Variants in CDK13 observed in about 807,000 individuals in gnomAD.
CDK13 encodes cyclin dependent kinase 13, also known as cyclin-dependent kinase 13.
A neutral mutation model predicts 137.6 loss-of-function variants in CDK13; 40 were observed. The ratio of observed to expected loss-of-function variants is 0.29; its 90% CI spans 0.23 to 0.38. The LOEUF (loss-of-function observed/expected upper bound fraction) is 0.38. CDK13 is among the 10% of genes least tolerant of loss of function. The probability of loss-of-function intolerance (pLI) is 1.00; values close to 1 mark genes in which losing one functional copy is unlikely to be tolerated. For missense variants in CDK13, 1,704 were observed against 1,951.8 expected (o/e 0.87, Z 2.39); for synonymous variants, 869 against 760.1 (o/e 1.14, Z -2.36).
chr7:40,041,911 A>G (rs929953306), intron 5 of CDK13, among the ~76,000 whole-genome samples: 4 of 152,230 alleles, frequency 2.6e-5, no homozygotes, highest in Non-Finnish European at 5.9e-5. Context: ...CAGTCTTGCC[A>G]CGTGAAAGAG....
intron 7 of CDK13, among the ~76,000 whole-genome samples, chr7:40,057,566 G>C (rs1049746084): frequency 6.6e-6 from 1 of 152,222 alleles, no homozygotes; most frequent in Non-Finnish European, 1.5e-5. Flanking sequence ...CTGGACAGCT[G>C]CCATAGAAGG....
intron 5 of CDK13, among the ~76,000 whole-genome samples, chr7:40,010,922 T>C (rs191157141): frequency 1.8e-3 from 272 of 152,082 alleles, no homozygotes; most frequent in Non-Finnish European, 2.8e-3. Context: ...TTAAAGAGAA[T>C]AAAACATCTA....
intron 5 of CDK13, among the ~76,000 whole-genome samples, chr7:40,016,403 A>G (rs1025038227): frequency 2.0e-5 from 3 of 152,198 alleles, no homozygotes; most frequent in Admixed American, 6.5e-5. Flanking sequence ...CATGATTACC[A>G]TTAGAGTCTA....
rs1284182467 is a variant in CDK13 at position 39,967,592 on chromosome 7, G to C, written c.1211+15740G>C. On this transcript the variant is annotated intron_variant, in intron 1 of 13. Coordinates refer to ENST00000181839, the MANE Select transcript of CDK13 (RefSeq NM_003718.5). ...ACATCTCCTAAGCATACTGATTTCA[G>C]TTCCTTTGGGTATATACCCAGAAGT... 2.6e-5 allele frequency among the ~76,000 whole-genome samples: 4 copies of C among 152,154 alleles called. No individual in the cohort carries two copies. In the East Asian group the frequency reaches 7.7e-4, roughly 29 times the overall value.
At chr7:40,080,219 C>T (rs1786636998) in intron 11 of CDK13, among the ~76,000 whole-genome samples, 1 of 152,128 alleles carries the variant, frequency 6.6e-6, no homozygotes. Flanking sequence ...AACTCTTGAC[C>T]TCAGGTGATC....
intron 11 of CDK13, among the ~76,000 whole-genome samples, chr7:40,084,145 GAC>G (rs1235324495): frequency 6.6e-6 from 1 of 152,072 alleles, no homozygotes; most frequent in Admixed American, 6.6e-5. Context: ...GGGAGTTCAA[GAC>G]CAGCCTGGCC....
intron 5 of CDK13, among the ~76,000 whole-genome samples, chr7:40,021,106 T>TACACAC (rs778814352): frequency 0.12 from 7,899 of 65,024 alleles, 393 homozygotes; most frequent in Middle Eastern, 0.18. Context: ...AACAAACGTA[T>TACACAC]ATATATATAT....
At position 39,999,322 on chromosome 7, in the gene CDK13, C is replaced by T. The variant is rs367920931; in HGVS notation, c.2043-39C>T. ...GTTATTAGACAGTTTATTCAATTTGCTTGATTGTATATAAAAACTTTAGAA... is the reference window on the plus strand; with the variant it reads ...GTTATTAGACAGTTTATTCAATTTGTTTGATTGTATATAAAAACTTTAGAA... On this transcript the variant is annotated intron_variant, in intron 3 of 13. Coordinates refer to ENST00000181839, the MANE Select transcript of CDK13 (RefSeq NM_003718.5). The T allele has an allele frequency of 5.7e-5, 88 of 1,534,862 alleles. No individual in the cohort carries two copies. In the African/African-American group the frequency reaches 1.0e-3, roughly 18 times the overall value.
chr7:40,090,123 G>T (rs976740909), intron 12 of CDK13, among the ~76,000 whole-genome samples: 1 of 152,092 alleles, frequency 6.6e-6, no homozygotes, highest in Non-Finnish European at 1.5e-5. Context: ...AGAAATTTTG[G>T]ATGGTGATCT....
At chr7:39,970,091 G>A (rs138603451) in intron 1 of CDK13, among the ~76,000 whole-genome samples, 6 of 147,162 alleles carry the variant, frequency 4.1e-5, no homozygotes, top group African/African-American at 5.1e-5. Flanking sequence ...TGCAACCTCC[G>A]CCTCCTGGGT....
At chr7:40,000,102 G>A (rs1213057230) in intron 4 of CDK13, among the ~76,000 whole-genome samples, 2 of 151,322 alleles carry the variant, frequency 1.3e-5, no homozygotes, top group Non-Finnish European at 1.5e-5. Context: ...TAGGCCGGGC[G>A]TGATTGCTCA....
chr7:40,039,591 C>T (rs913554828), intron 5 of CDK13, among the ~76,000 whole-genome samples: 4 of 151,866 alleles, frequency 2.6e-5, no homozygotes, highest in African/African-American at 4.8e-5. Context: ...ACCACCATGC[C>T]CGGCTAATTT....
At chr7:40,020,723 G>C (rs1217401938) in intron 5 of CDK13, among the ~76,000 whole-genome samples, 1 of 152,164 alleles carries the variant, frequency 6.6e-6, no homozygotes, top group Non-Finnish European at 1.5e-5. Flanking sequence ...TAATATTATA[G>C]CTATAGGTGA....
chr7:39,956,438 A>T (rs1363661487), intron 1 of CDK13, among the ~76,000 whole-genome samples: 1 of 152,156 alleles, frequency 6.6e-6, no homozygotes, highest in African/African-American at 2.4e-5. Flanking sequence ...TCACCATTTC[A>T]GGTTAATTAG....
At chr7:39,952,146 C>T (rs1410867335) in intron 1 of CDK13, 4 of 302,556 alleles carry the variant, frequency 1.3e-5, no homozygotes, top group Admixed American at 5.1e-5. Context: ...TAACAGGTTT[C>T]TCTCAGTTGC....
At chr7:40,054,338 C>G (rs929714757) in intron 7 of CDK13, among the ~76,000 whole-genome samples, 33 of 152,026 alleles carry the variant, frequency 2.2e-4, no homozygotes, top group South Asian at 2.1e-4. Context: ...CTTGAAATAT[C>G]TAATGAGAAA....
At position 39,988,188 on chromosome 7, in the gene CDK13, G is replaced by A; in HGVS notation, c.1801G>A (p.Ala601Thr). 1.2e-6 allele frequency: 2 copies of A among 1,614,130 alleles called. No homozygotes were observed. Among genetic ancestry groups the A allele is most frequent in the East Asian group, 2.2e-5 (1 of 44,886 alleles). The change falls in exon 2 of 14, where the codon GCT (alanine) becomes ACT (threonine). Residue 601 changes from alanine (A) to threonine (T), a missense_variant. Ala to Thr is a moderately conservative substitution (Grantham distance 58). Around this residue, in one of 5 missense-constraint regions of CDK13, gnomAD observed 1,051 missense variants for 931.0 expected, o/e 1.13. Coordinates refer to ENST00000181839, the MANE Select transcript of CDK13 (RefSeq NM_003718.5). ...AGCCAAGGAGAAGGAGCAACATGTAGCTTTAGTCACCTCTACATTACCACC... is the reference window on the plus strand; with the variant it reads ...AGCCAAGGAGAAGGAGCAACATGTAACTTTAGTCACCTCTACATTACCACC... ...IGAKEKEQHV[A>T]LVTSTLPPLP...
At chr7:39,963,038 A>G (rs1783785466) in intron 1 of CDK13, among the ~76,000 whole-genome samples, 1 of 152,156 alleles carries the variant, frequency 6.6e-6, no homozygotes, top group Admixed American at 6.5e-5. Context: ...CTTGTAGTAT[A>G]GTTTGAAGTC....
chr7:40,020,381 C>T (rs1012549736), intron 5 of CDK13, among the ~76,000 whole-genome samples: 2 of 152,102 alleles, frequency 1.3e-5, no homozygotes, highest in Non-Finnish European at 2.9e-5. Flanking sequence ...ATTGTTTTAT[C>T]GCCTCATGTT....
Sources: gnomAD v4.1 joint callset for allele counts (sites outside exome capture counted in the v4.1 genomes callset) on GRCh38, gnomAD v4.1.1 for gene constraint, gnomAD v4.1.1 regional missense constraint, MANE v1.5 for transcripts, NCBI Gene and HGNC (gene_info 2026-07-23, HGNC 2026-07-21) for gene names.